Variants in CNTN5 observed in about 807,000 individuals in gnomAD.
The protein encoded by CNTN5 is contactin 5, also known as contactin-5.
CNTN5 carries 77 observed loss-of-function variants against 129.1 expected under a neutral mutation model. The ratio of observed to expected loss-of-function variants is 0.60; its 90% CI spans 0.50 to 0.72. The LOEUF (loss-of-function observed/expected upper bound fraction) is 0.72, where lower values mean the gene tolerates loss of function less well. Among genes scored for constraint, CNTN5 ranks in the 30% least tolerant of loss-of-function variants. The pLI is 0.00. For missense variants in CNTN5, 1,478 were observed against 1,328.8 expected, an observed-to-expected ratio of 1.11 and a Z score of -1.75; for synonymous variants, 509 against 465.6, an observed-to-expected ratio of 1.09 and a Z score of -1.20.
At chr11:99,577,126 C>A (rs1233340254) in intron 3 of CNTN5, among the ~76,000 whole-genome samples, 1 of 152,060 alleles carries the variant, frequency 6.6e-6, no homozygotes, top group Admixed American at 6.6e-5. Context: ...CAAAAGACTT[C>A]AGGAAAAGAC....
chr11:99,748,887 G>A (rs747341133), intron 3 of CNTN5, among the ~76,000 whole-genome samples: 16 of 152,134 alleles, frequency 1.1e-4, no homozygotes, highest in Admixed American at 2.6e-4. Context: ...TTACAGACAT[G>A]CCTAGAGATA....
intron 2 of CNTN5, among the ~76,000 whole-genome samples, chr11:99,433,371 A>AAATGTGTGTGTGTGTGTGTGTGTGTG (rs1555143805): frequency 7.1e-6 from 1 of 140,840 alleles, no homozygotes; most frequent in Non-Finnish European, 1.5e-5. Flanking sequence ...TAAAAAAAAA[A>AAATGTGTGTGTGTGTGTGTGTGTGTG]TGTGTGTGTG....
intron 1 of CNTN5, among the ~76,000 whole-genome samples, chr11:99,165,698 T>C (rs1380061444): frequency 1.3e-5 from 2 of 152,152 alleles, no homozygotes; most frequent in African/African-American, 4.8e-5. Flanking sequence ...TTTTGCATTT[T>C]CCCACTTTGT....
chr11:99,517,051 A>G (rs1436758771), intron 2 of CNTN5, among the ~76,000 whole-genome samples: 14 of 152,214 alleles, frequency 9.2e-5, no homozygotes, highest in Non-Finnish European at 2.1e-4. Flanking sequence ...TTCCTGCTAT[A>G]TGTTACACAC....
chr11:100,284,704 G>A (rs936209321), intron 18 of CNTN5, among the ~76,000 whole-genome samples: 6 of 152,090 alleles, frequency 3.9e-5, no homozygotes, highest in East Asian at 1.9e-4. Flanking sequence ...AGTTAACTAC[G>A]TAACTTGTCA....
intron 8 of CNTN5, among the ~76,000 whole-genome samples, chr11:99,963,391 C>T (rs908607745): frequency 2.4e-4 from 37 of 152,272 alleles, no homozygotes; most frequent in Non-Finnish European, 4.3e-4. Context: ...AGCCAGTTTT[C>T]CCAGCACCAT....
At chr11:99,848,997 A>T (rs142021681) in intron 6 of CNTN5, among the ~76,000 whole-genome samples, 1 of 152,236 alleles carries the variant, frequency 6.6e-6, no homozygotes, top group South Asian at 2.1e-4. Flanking sequence ...TTAAAATTTG[A>T]CAACTTTGCT....
Position 99,602,651 on chromosome 11 carries a change from G to T in CNTN5, c.55+46382G>T, listed in dbSNP as rs1322912489. Among the ~76,000 whole-genome samples the T allele has an allele frequency of 2.7e-5, 4 of 150,306 alleles. No homozygotes were observed. The East Asian group carries it at 7.8e-4, about 29-fold the overall frequency. On this transcript the variant is annotated intron_variant, in intron 3 of 24. Coordinates refer to ENST00000524871, the MANE Select transcript of CNTN5 (RefSeq NM_014361.4). Reference sequence around the variant, plus strand: ...AGGTCTGGGGAGGAGTTTGTGCAATGTAAAAAAAAAAAAATGTATCAAAAA... The same window carrying T: ...AGGTCTGGGGAGGAGTTTGTGCAATTTAAAAAAAAAAAAATGTATCAAAAA...
At chr11:99,415,400 C>CTT (rs1340493939) in intron 2 of CNTN5, among the ~76,000 whole-genome samples, 1 of 152,120 alleles carries the variant, frequency 6.6e-6, no homozygotes, top group South Asian at 2.1e-4. Context: ...TTCTTCTTGG[C>CTT]CTCTCTGTGA....
At chr11:99,282,902 A>G (rs1863762914) in intron 1 of CNTN5, among the ~76,000 whole-genome samples, 1 of 152,100 alleles carries the variant, frequency 6.6e-6, no homozygotes, top group Non-Finnish European at 1.5e-5. Context: ...AGATGGCTAT[A>G]GTCTTGGGCA....
Position 99,145,122 on chromosome 11 carries a change from T to A in CNTN5, c.-210+123852T>A, listed in dbSNP as rs558198161. On this transcript the variant is annotated intron_variant, in intron 1 of 24. Transcript: ENST00000524871. ...GCTTGCTCTTTCACCCAGGCTGGAG[T>A]GCAGTGGTGTGATCTCAGCTCGCTA... 7.2e-5 allele frequency among the ~76,000 whole-genome samples: 11 copies of A among 152,258 alleles called. No homozygotes were observed. In the South Asian group the frequency reaches 2.3e-3, roughly 32 times the overall value.
rs980408033 is a variant in CNTN5 at position 99,789,191 on chromosome 11, AATTATG to A, written c.56-30345_56-30340del. On this transcript the variant is annotated intron_variant, in intron 3 of 24. Coordinates refer to ENST00000524871, the MANE Select transcript of CNTN5 (RefSeq NM_014361.4). Reference sequence around the variant, plus strand: ...CAATATTAGATATAAAAACAATACAAATTATGATTATGAAACAATTTGTAGACTTCC... The same window carrying A: ...CAATATTAGATATAAAAACAATACAAATTATGAAACAATTTGTAGACTTCC... Among the ~76,000 whole-genome samples, 34 of 151,914 alleles carry A rather than the reference AATTATG, an allele frequency of 2.2e-4. 1 individual carries two copies. Among genetic ancestry groups the A allele is most frequent in the Non-Finnish European group, 1.5e-5 (1 of 67,824 alleles).
intron 7 of CNTN5, among the ~76,000 whole-genome samples, chr11:99,929,713 A>T (rs916358621): frequency 3.0e-4 from 45 of 152,292 alleles, no homozygotes; most frequent in African/African-American, 1.0e-3. Context: ...TGATTAAATT[A>T]TCCTCCACTG....
At chr11:99,744,726 A>G (rs1349991857) in intron 3 of CNTN5, among the ~76,000 whole-genome samples, 1 of 150,548 alleles carries the variant, frequency 6.6e-6, no homozygotes, top group African/African-American at 2.4e-5. Flanking sequence ...TCTCAGAAAA[A>G]AAAAAAAAAA....
rs903811987 is a variant in CNTN5 at position 100,091,806 on chromosome 11, G to C, written c.1580+17512G>C. Among the ~76,000 whole-genome samples, 27 of 151,988 alleles carry C rather than the reference G, an allele frequency of 1.8e-4. 1 individual carries two copies. Among genetic ancestry groups the C allele is most frequent in the African/African-American group, 6.5e-4 (27 of 41,388 alleles). ...TTGCTTTTCATTCAGTGACCCCAGA[G>C]CCTAGAATTATCCTTTGTACATGTG... On this transcript the variant is annotated intron_variant, in intron 13 of 24. Coordinates refer to ENST00000524871, the MANE Select transcript of CNTN5 (RefSeq NM_014361.4).
chr11:99,181,678 C>A (rs768694357), intron 1 of CNTN5, among the ~76,000 whole-genome samples: 9 of 152,106 alleles, frequency 5.9e-5, no homozygotes, highest in Non-Finnish European at 1.2e-4. Context: ...CATTATTTTT[C>A]TTCGTTAGGA....
At chr11:99,089,178 T>C (rs1400140386) in intron 1 of CNTN5, among the ~76,000 whole-genome samples, 1 of 152,078 alleles carries the variant, frequency 6.6e-6, no homozygotes, top group African/African-American at 2.4e-5. Context: ...CTAATCTTAA[T>C]TCCAATGACA....
At chr11:99,790,142 C>T (rs1227157782) in intron 3 of CNTN5, among the ~76,000 whole-genome samples, 1 of 151,942 alleles carries the variant, frequency 6.6e-6, no homozygotes, top group Non-Finnish European at 1.5e-5. Context: ...TCTATGGCTG[C>T]ATAGTATTCT....
chr11:99,816,863 G>A (rs111605206), intron 3 of CNTN5, among the ~76,000 whole-genome samples: 216 of 152,180 alleles, frequency 1.4e-3, no homozygotes, highest in African/African-American at 4.5e-3. Flanking sequence ...AGCAGGCCAT[G>A]GTGCCTTTAC....
Sources: allele counts gnomAD v4.1 joint callset (sites outside exome capture counted in the v4.1 genomes callset), GRCh38; gene constraint gnomAD v4.1.1; transcripts MANE v1.5; gene names NCBI Gene and HGNC (gene_info 2026-07-23, HGNC 2026-07-21).